Variants in RSPO3 observed in about 807,000 individuals in gnomAD.
RSPO3 encodes the protein R-spondin-3.
A neutral mutation model predicts 36.5 loss-of-function variants in RSPO3; 17 were observed. The ratio of observed to expected loss-of-function variants is 0.47; its 90% CI spans 0.32 to 0.70. RSPO3 has a LOEUF of 0.70. RSPO3 is among the 30% of genes least tolerant of loss of function. RSPO3 has a pLI of 0.04. For synonymous variants in RSPO3, 108 were observed against 107.0 expected, an observed-to-expected ratio of 1.01 and a Z score of -0.06; for missense variants, 294 against 322.5, an observed-to-expected ratio of 0.91 and a Z score of 0.68.
chr6:127,145,567 G>A (rs977098569), intron 1 of RSPO3, among the ~76,000 whole-genome samples: 7 of 152,008 alleles, frequency 4.6e-5, no homozygotes, highest in African/African-American at 1.7e-4. Context: ...TTATGCACCA[G>A]TTGCATCAAA....
At position 127,173,858 on chromosome 6, in the gene RSPO3, G is replaced by A. The variant is rs73771605; in HGVS notation, c.634+18420G>A. Among the ~76,000 whole-genome samples, 688 of 151,992 alleles carry A rather than the reference G, an allele frequency of 4.5e-3. 5 individuals are homozygous for A. Among genetic ancestry groups the A allele is most frequent in the African/African-American group, 0.015 (643 of 41,526 alleles). ...GCACGTGAGATTGAGACTAGGGAAT[G>A]GTACAGAATTTCTCCTAGAATATTG... On this transcript the variant is annotated intron_variant, in intron 4 of 4. Coordinates refer to ENST00000356698, the MANE Select transcript of RSPO3 (RefSeq NM_032784.5).
At chr6:127,139,730 A>G (rs1231319866) in intron 1 of RSPO3, among the ~76,000 whole-genome samples, 2 of 152,082 alleles carry the variant, frequency 1.3e-5, no homozygotes, top group Admixed American at 6.6e-5. Flanking sequence ...TAACTCATCA[A>G]TAGGTCCTGG....
At chr6:127,140,089 T>C (rs1774240619) in intron 1 of RSPO3, among the ~76,000 whole-genome samples, 1 of 152,126 alleles carries the variant, frequency 6.6e-6, no homozygotes, top group East Asian at 1.9e-4. Flanking sequence ...AGTCCATAGA[T>C]TTTTAATTCA....
At chr6:127,155,944 C>T (rs768592095) in intron 4 of RSPO3, among the ~76,000 whole-genome samples, 10 of 151,682 alleles carry the variant, frequency 6.6e-5, no homozygotes, top group Non-Finnish European at 1.3e-4. Flanking sequence ...ATTCTGTCAT[C>T]CAGGCTGTAT....
At chr6:127,144,656 T>TTTTTTTTTTTTTTTTTTTC (rs1554220622) in intron 1 of RSPO3, among the ~76,000 whole-genome samples, 1 of 147,704 alleles carries the variant, frequency 6.8e-6, no homozygotes, top group African/African-American at 2.5e-5. Context: ...TTTTTTTTTT[T>TTTTTTTTTTTTTTTTTTTC]CAGACAGAGT....
chr6:127,124,018 T>C (rs1773893357), intron 1 of RSPO3, among the ~76,000 whole-genome samples: 1 of 152,120 alleles, frequency 6.6e-6, no homozygotes, highest in African/African-American at 2.4e-5. Context: ...AAATATTTTC[T>C]AGTTCAATGG....
rs869033594 is a variant in RSPO3 at position 127,159,644 on chromosome 6, C to CTTT, written c.634+4226_634+4228dup. Reference sequence around the variant, plus strand: ...ATATAAAGGCATTACATACATTCTCCTTTTTTTTTTTTTTTTTTTTTTGAG... The same window carrying CTTT: ...ATATAAAGGCATTACATACATTCTCCTTTTTTTTTTTTTTTTTTTTTTTTTGAG... On this transcript the variant is annotated intron_variant, in intron 4 of 4. Transcript: ENST00000356698. Among the ~76,000 whole-genome samples the CTTT allele has an allele frequency of 1.9e-3, 232 of 123,258 alleles. 5 individuals are homozygous for CTTT. The highest frequency in any genetic ancestry group is 2.3e-3 in the Non-Finnish European group (140 of 60,026). The allele number at this position is 123,258 out of a possible 152,430, so 80.9% of individuals were successfully genotyped here. A position where few individuals can be genotyped will look rare whatever the true frequency, so the allele number is the denominator to read the frequency against.
At chr6:127,161,824 C>T (rs1582801565) in intron 4 of RSPO3, among the ~76,000 whole-genome samples, 1 of 152,164 alleles carries the variant, frequency 6.6e-6, no homozygotes, top group Non-Finnish European at 1.5e-5. Context: ...AGAGTGGTAG[C>T]ATTCTTCAGC....
chr6:127,145,767 G>C (rs774020207), intron 1 of RSPO3, among the ~76,000 whole-genome samples: 11 of 152,000 alleles, frequency 7.2e-5, no homozygotes, highest in Admixed American at 1.3e-4. Context: ...GTTTGAAAAA[G>C]GTGATTTAGA....
intron 4 of RSPO3, among the ~76,000 whole-genome samples, chr6:127,183,556 C>T (rs1037030567): frequency 2.0e-5 from 3 of 152,036 alleles, no homozygotes; most frequent in African/African-American, 4.8e-5. Flanking sequence ...AACTCTAACT[C>T]GAATTAAGTC....
intron 4 of RSPO3, among the ~76,000 whole-genome samples, chr6:127,188,521 G>A (rs956248100): frequency 1.8e-4 from 28 of 151,770 alleles, no homozygotes; most frequent in African/African-American, 6.8e-4. Context: ...CTTCAAAAAT[G>A]TAACAGTAGT....
At position 127,197,549 on chromosome 6, in the gene RSPO3, T is replaced by C; in HGVS notation, c.*1542T>C. On this transcript the variant is annotated 3_prime_UTR_variant, in exon 5 of 5. Coordinates refer to ENST00000356698, the MANE Select transcript of RSPO3 (RefSeq NM_032784.5). ...ATCGCATGACCCACCTTAACCTTCC[T>C]GTTGTCATGGAAGGATGCACGGCTG... is the stretch of plus-strand genomic sequence containing the variant. 2 of 1,549,218 alleles carry C rather than the reference T, an allele frequency of 1.3e-6. No homozygotes were observed. Among genetic ancestry groups the C allele is most frequent in the Admixed American group, 2.0e-5 (1 of 50,960 alleles).
chr6:127,199,191 G>C lies in RSPO3; in HGVS notation c.*3184G>C, dbSNP rs1371621472. ...CTTGGGCACATTGTATGATCTCGCA[G>C]AATATCATCCCAAATCTGCAAAATG... On this transcript the variant is annotated 3_prime_UTR_variant, in exon 5 of 5. Coordinates refer to ENST00000356698, the MANE Select transcript of RSPO3 (RefSeq NM_032784.5). 6.6e-6 allele frequency among the ~76,000 whole-genome samples: 1 copy of C among 152,086 alleles called. No homozygotes were observed. The highest frequency in any genetic ancestry group is 1.9e-4 in the East Asian group (1 of 5,178).
intron 1 of RSPO3, among the ~76,000 whole-genome samples, chr6:127,141,981 C>T (rs957772403): frequency 1.3e-5 from 2 of 151,958 alleles, no homozygotes; most frequent in Admixed American, 6.6e-5. Flanking sequence ...TTTTAATTTA[C>T]TTAATGGTTA....
chr6:127,191,430 G>A (rs1775407636), intron 4 of RSPO3, among the ~76,000 whole-genome samples: 1 of 152,090 alleles, frequency 6.6e-6, no homozygotes, highest in Non-Finnish European at 1.5e-5. Flanking sequence ...CTCCAAGGGT[G>A]GGATCTAGGA....
At chr6:127,136,605 GA>G (rs1444077263) in intron 1 of RSPO3, among the ~76,000 whole-genome samples, 1 of 152,152 alleles carries the variant, frequency 6.6e-6, no homozygotes, top group Non-Finnish European at 1.5e-5. Flanking sequence ...GGAATGGGCA[GA>G]ACAGGTGTTA....
At chr6:127,123,372 G>A (rs1318025652) in intron 1 of RSPO3, among the ~76,000 whole-genome samples, 2 of 152,264 alleles carry the variant, frequency 1.3e-5, no homozygotes, top group East Asian at 3.9e-4. Context: ...GAGAGTAACA[G>A]TGTTTTAAAG....
chr6:127,190,089 G>A (rs1453641639), intron 4 of RSPO3, among the ~76,000 whole-genome samples: 1 of 152,008 alleles, frequency 6.6e-6, no homozygotes, highest in African/African-American at 2.4e-5. Flanking sequence ...TCATACTATA[G>A]CAATTCCTCT....
chr6:127,140,725 A>G (rs1386497727), intron 1 of RSPO3, among the ~76,000 whole-genome samples: 1 of 152,164 alleles, frequency 6.6e-6, no homozygotes, highest in Non-Finnish European at 1.5e-5. Context: ...TCTGGCCCTC[A>G]AGGGATGGGA....
Sources: gnomAD v4.1 joint callset for allele counts (sites outside exome capture counted in the v4.1 genomes callset) on GRCh38, gnomAD v4.1.1 for gene constraint, MANE v1.5 for transcripts, NCBI Gene and HGNC (gene_info 2026-07-23, HGNC 2026-07-21) for gene names.